The following C16orf78 variants were observed in gnomAD, a reference collection of about 807,000 sequenced individuals.
C16orf78 encodes the protein chromosome 16 open reading frame 78, also known as uncharacterized protein C16orf78.
C16orf78 carries 19 observed loss-of-function variants against 27.3 expected under a neutral mutation model. The observed-to-expected ratio is 0.70, with a 90% CI of 0.49 to 1.02. The LOEUF (loss-of-function observed/expected upper bound fraction) is 1.02. C16orf78 is among the 50% of genes least tolerant of loss of function. The pLI is 0.00. For synonymous variants in C16orf78, 130 were observed against 116.1 expected (o/e 1.12, Z -0.77); for missense variants, 339 against 337.0 (o/e 1.01, Z -0.05).
chr16:49,386,679 A>G (rs1451134571), intron 3 of C16orf78, among the ~76,000 whole-genome samples: 2 of 152,060 alleles, frequency 1.3e-5, no homozygotes, highest in African/African-American at 2.4e-5. Context: ...TCTCCCACTT[A>G]TTAGTGAGAG....
chr16:49,374,236 T>A, intron 1 of C16orf78, 147 bp downstream of exon 1: 1 of 935,778 alleles, frequency 1.1e-6, no homozygotes, highest in Non-Finnish European at 1.6e-6. Context: ...CCAAGGACAT[T>A]AAGGGGGTGG....
rs1237058229 is a variant in C16orf78 at position 49,399,116 on chromosome 16, C to T, written c.651-15C>T. 1 of 1,612,190 alleles carries T rather than the reference C, an allele frequency of 6.2e-7. No individual in the cohort carries two copies. The highest frequency in any genetic ancestry group is 8.5e-7 in the Non-Finnish European group (1 of 1,179,012). ...CTCCACCTTCAACTGACCTCTTTTG[C>T]CTTCTCTTGAACAGATACCTGAGGT... On this transcript the variant is annotated splice_polypyrimidine_tract_variant and intron_variant, in intron 4 of 4. Transcript: ENST00000299191.
chr16:49,396,325 A>T, intron 3 of C16orf78, 98 bp from the exon 4 acceptor site: 1 of 1,372,820 alleles, frequency 7.3e-7, no homozygotes, highest in Non-Finnish European at 1.0e-6. Flanking sequence ...GTACGGTTTG[A>T]AGTCCATGCA....
chr16:49,383,845 T>C (rs1228358962), intron 3 of C16orf78, among the ~76,000 whole-genome samples: 5 of 152,120 alleles, frequency 3.3e-5, no homozygotes, highest in African/African-American at 1.2e-4. Flanking sequence ...ACAAATACGT[T>C]GAGTTTCTTC....
Position 49,377,820 on chromosome 16 carries a change from G to A in C16orf78, c.240G>A (p.Gly80=). 3.2e-6 allele frequency: 5 copies of A among 1,584,222 alleles called. No homozygotes were observed. The highest frequency in any genetic ancestry group is 4.3e-6 in the Non-Finnish European group (5 of 1,164,084). Residue 80 remains glycine (G), a synonymous_variant, in exon 2 of 5, where the codon GGG becomes GGA. Coordinates refer to ENST00000299191, the MANE Select transcript of C16orf78 (RefSeq NM_144602.4). The part of the protein sequence containing the change: ...KGKGLMTARG[G]NRRDTETSQQ... Reference sequence around the variant, plus strand: ...AAGGCCTCATGACAGCACGGGGAGGGAACCGCAGGGACACGGAGACTTCCC... The same window carrying A: ...AAGGCCTCATGACAGCACGGGGAGGAAACCGCAGGGACACGGAGACTTCCC...
chr16:49,378,473 T>C lies in C16orf78; in HGVS notation c.274T>C (p.Leu92=), dbSNP rs753255711. Residue 92 remains leucine (L), a synonymous_variant, in exon 3 of 5, where the codon TTA becomes CTA. Coordinates refer to ENST00000299191, the MANE Select transcript of C16orf78 (RefSeq NM_144602.4). Reference sequence around the variant, plus strand: ...CTTCTCACCTGCTCCCTCCAAGGCCTTAGGAAAGAGATTCAGGAAGGACGC... The same window carrying C: ...CTTCTCACCTGCTCCCTCCAAGGCCCTAGGAAAGAGATTCAGGAAGGACGC... ...RRDTETSQQA[L]GKRFRKDAAS... The C allele has an allele frequency of 1.6e-5, 26 of 1,577,514 alleles. No homozygotes were observed. The Admixed American group carries it at 4.3e-4, about 26-fold the overall frequency.
chr16:49,379,025 G>C (rs1464468356), intron 3 of C16orf78, among the ~76,000 whole-genome samples: 1 of 152,138 alleles, frequency 6.6e-6, no homozygotes, highest in Non-Finnish European at 1.5e-5. Context: ...ATGAGCTTAG[G>C]CTGTGCCAGA....
chr16:49,378,745 TCAGTAGGGAC>T (rs1965253406), intron 3 of C16orf78, 152 bp downstream of exon 3: 6 of 1,202,958 alleles, frequency 5.0e-6, no homozygotes, highest in Non-Finnish European at 6.9e-6. Context: ...ACATGGAGGC[TCAGTAGGGAC>T]CACTCCTGGG....
intron 3 of C16orf78, among the ~76,000 whole-genome samples, chr16:49,390,848 C>T (rs1368437622): frequency 6.6e-6 from 1 of 152,172 alleles, no homozygotes; most frequent in Non-Finnish European, 1.5e-5. Flanking sequence ...TCTGCCTTTG[C>T]CTAGGCTTCC....
rs1260488881 is a variant in C16orf78, at chr16:49,377,815, G to A, written c.235G>A (p.Gly79Arg). ...KKGKGLMTAR[G>R]GNRRDTETSQ... ...AGGCAAAGGCCTCATGACAGCACGG[G>A]GAGGGAACCGCAGGGACACGGAGAC... is the stretch of plus-strand genomic sequence containing the variant. The change falls in exon 2 of 5, where the codon GGA becomes AGA. Residue 79 changes from glycine to arginine, a missense_variant. Physicochemically the swap from Gly to Arg is moderately radical, Grantham distance 125. Transcript: ENST00000299191. 1 of 1,587,226 alleles carries A rather than the reference G, an allele frequency of 6.3e-7. No homozygotes were observed. Among genetic ancestry groups the A allele is most frequent in the Admixed American group, 1.8e-5 (1 of 56,014 alleles).
rs114021654 is a variant in C16orf78, at chr16:49,395,039, T to G, written c.395-1384T>G. On this transcript the variant is annotated intron_variant, in intron 3 of 4. Transcript: ENST00000299191. The stretch of plus-strand genomic sequence containing the variant: ...TGTGCCACCAGACCCCTAATTTTTT[T>G]TTGTTGTTGTTAGAGATGGAGTCTC... Among the ~76,000 whole-genome samples, 1,113 of 152,100 alleles carry G rather than the reference T, an allele frequency of 7.3e-3. 5 individuals carry two copies. The highest frequency in any genetic ancestry group is 0.021 in the East Asian group (108 of 5,156).
chr16:49,380,294 A>G (rs1965271303), intron 3 of C16orf78, among the ~76,000 whole-genome samples: 1 of 152,180 alleles, frequency 6.6e-6, no homozygotes, highest in Admixed American at 6.5e-5. Flanking sequence ...TCCCCTTCAT[A>G]TATACATCTA....
chr16:49,386,311 A>T (rs1965350520), intron 3 of C16orf78, among the ~76,000 whole-genome samples: 2 of 152,248 alleles, frequency 1.3e-5, no homozygotes, highest in Admixed American at 1.3e-4. Flanking sequence ...CAGAAAATTA[A>T]TAAGGAAAAC....
At chr16:49,378,799 G>A (rs1251528758) in intron 3 of C16orf78, among the ~76,000 whole-genome samples, 1 of 152,208 alleles carries the variant, frequency 6.6e-6, no homozygotes, top group African/African-American at 2.4e-5. Context: ...GACATGAACA[G>A]GAGGCAAGTG....
intron 3 of C16orf78, among the ~76,000 whole-genome samples, chr16:49,387,898 A>G (rs1272724228): frequency 6.6e-6 from 1 of 152,152 alleles, no homozygotes; most frequent in Non-Finnish European, 1.5e-5. Flanking sequence ...CAGTGGTAAT[A>G]TCTCCTTTGT....
At chr16:49,381,274 G>A (rs1230855175) in intron 3 of C16orf78, among the ~76,000 whole-genome samples, 2 of 152,296 alleles carry the variant, frequency 1.3e-5, no homozygotes, top group African/African-American at 2.4e-5. Context: ...AGCATGGAAT[G>A]TTCTTCCATT....
chr16:49,384,016 A>G (rs1335828322), intron 3 of C16orf78, among the ~76,000 whole-genome samples: 6 of 152,212 alleles, frequency 3.9e-5, no homozygotes, highest in Non-Finnish European at 8.8e-5. Context: ...CAATATTTGG[A>G]CAAAATGAAT....
rs1280464177 is a variant in C16orf78, at chr16:49,373,921, C to A, written c.-19C>A. The A allele has an allele frequency of 1.2e-6, 2 of 1,613,668 alleles. No individual in the cohort carries two copies. The highest frequency in any genetic ancestry group is 1.7e-6 in the Non-Finnish European group (2 of 1,179,758). On this transcript the variant is annotated 5_prime_UTR_variant, in exon 1 of 5. Coordinates refer to ENST00000299191, the MANE Select transcript of C16orf78 (RefSeq NM_144602.4). Reference sequence around the variant, plus strand: ...CAGTGCCAGCCACCTCCCACCCAAGCCACTAGCAAGACTCCACAATGTCAG... The same window carrying A: ...CAGTGCCAGCCACCTCCCACCCAAGACACTAGCAAGACTCCACAATGTCAG...
chr16:49,396,898 G>A (rs866805133), intron 4 of C16orf78, among the ~76,000 whole-genome samples: 65 of 152,352 alleles, frequency 4.3e-4, no homozygotes, highest in African/African-American at 1.5e-3. Context: ...GAATGGGCAT[G>A]TCATTTAGGT....
Sources: gnomAD v4.1 joint callset for allele counts (sites outside exome capture counted in the v4.1 genomes callset) on GRCh38, gnomAD v4.1.1 for gene constraint, MANE v1.5 for transcripts, NCBI Gene and HGNC (gene_info 2026-07-23, HGNC 2026-07-21) for gene names.